Variants in RHOBTB1 observed in about 807,000 individuals in gnomAD.
RHOBTB1 encodes rho-related BTB domain-containing protein 1.
A neutral mutation model predicts 71.6 loss-of-function variants in RHOBTB1; 40 were observed. The ratio of observed to expected loss-of-function variants is 0.56; its 90% CI spans 0.43 to 0.73. RHOBTB1 has a LOEUF of 0.73. Ranked by LOEUF, RHOBTB1 falls within the 30% of genes least tolerant of loss-of-function variation. The pLI, the probability that RHOBTB1 is intolerant of heterozygous loss-of-function variation, is 0.00. For missense variants in RHOBTB1, 797 were observed against 894.0 expected (o/e 0.89, Z 1.38); for synonymous variants, 319 against 334.9 (o/e 0.95, Z 0.52).
At position 60,872,277 on chromosome 10, in the gene RHOBTB1, T is replaced by C; in HGVS notation, c.1829A>G (p.His610Arg). ...GTGCAAACACCAGGCGGCCAACTGGTGGGCATTGTGAAACTGCAGAAAAGT... is the reference window on the plus strand; with the variant it reads ...GTGCAAACACCAGGCGGCCAACTGGCGGGCATTGTGAAACTGCAGAAAAGT... ...YLELAQFHNA[H>R]QLAAWCLHHI... The change falls in exon 10 of 11, where the codon CAC becomes CGC. Residue 610 changes from histidine (H) to arginine (R), a missense_variant. Physicochemically the swap from His to Arg is conservative, Grantham distance 29. Coordinates refer to ENST00000337910, the MANE Select transcript of RHOBTB1 (RefSeq NM_014836.5). 1.2e-6 allele frequency: 2 copies of C among 1,613,942 alleles called. No homozygotes were observed. The highest frequency in any genetic ancestry group is 1.7e-6 in the Non-Finnish European group (2 of 1,179,820).
chr10:60,952,045 G>T (rs1391054289), intron 2 of RHOBTB1, among the ~76,000 whole-genome samples: 1 of 151,858 alleles, frequency 6.6e-6, no homozygotes, highest in Middle Eastern at 3.2e-3. Flanking sequence ...ACAACAGAGC[G>T]AGACTCTGTC....
intron 5 of RHOBTB1, among the ~76,000 whole-genome samples, chr10:60,892,192 T>C (rs899537691): frequency 3.3e-5 from 5 of 152,246 alleles, no homozygotes; most frequent in African/African-American, 7.2e-5. Context: ...ACATTTTATA[T>C]ATAGTGAAAC....
chr10:60,964,484 C>T (rs2085892288), intron 2 of RHOBTB1, among the ~76,000 whole-genome samples: 1 of 152,118 alleles, frequency 6.6e-6, no homozygotes, highest in African/African-American at 2.4e-5. Context: ...GCTGTATAAC[C>T]CTTAAAAACT....
intron 1 of RHOBTB1, among the ~76,000 whole-genome samples, chr10:60,996,270 C>A (rs2087045404): frequency 1.3e-5 from 2 of 152,150 alleles, no homozygotes; most frequent in Non-Finnish European, 2.9e-5. Context: ...TTAAGACTGT[C>A]CACAATCCAG....
At chr10:60,952,431 C>T (rs1002571103) in intron 2 of RHOBTB1, among the ~76,000 whole-genome samples, 12 of 152,140 alleles carry the variant, frequency 7.9e-5, no homozygotes, top group African/African-American at 2.7e-4. Flanking sequence ...GGGCATGAAG[C>T]CAAATGCTTT....
chr10:60,889,867 T>C (rs191227282), intron 5 of RHOBTB1, among the ~76,000 whole-genome samples: 71 of 152,358 alleles, frequency 4.7e-4, no homozygotes, highest in African/African-American at 1.7e-3. Context: ...TTGTCGACAG[T>C]AAGTGCCTGA....
At chr10:60,943,100 G>GC (rs1219781255) in intron 1 of RHOBTB1, among the ~76,000 whole-genome samples, 3 of 151,976 alleles carry the variant, frequency 2.0e-5, no homozygotes, top group African/African-American at 7.3e-5. Context: ...ATGCATTTTT[G>GC]CCCCCAGCAA....
At chr10:60,986,384 T>G (rs1469590217) in intron 1 of RHOBTB1, among the ~76,000 whole-genome samples, 1 of 130,092 alleles carries the variant, frequency 7.7e-6, no homozygotes, top group Non-Finnish European at 1.6e-5. Context: ...TTCCAAGAAA[T>G]TAATGAAATA....
At chr10:60,863,628 G>A in the RHOBTB1 span, among the ~76,000 whole-genome samples, 7 of 152,012 alleles carry the variant, frequency 4.6e-5, no homozygotes, top group East Asian at 9.7e-4. Context: ...TGCCTCCCAG[G>A]TTCAAGTGAT....
At chr10:60,862,810 CTTTT>C in the RHOBTB1 span, among the ~76,000 whole-genome samples, 1 of 136,808 alleles carries the variant, frequency 7.3e-6, no homozygotes, top group South Asian at 2.3e-4. Flanking sequence ...CTTTTCCTTT[CTTTT>C]CTCTCTTTCA....
intron 4 of RHOBTB1, among the ~76,000 whole-genome samples, chr10:60,894,834 C>T (rs1164754976): frequency 6.6e-6 from 1 of 152,202 alleles, no homozygotes; most frequent in African/African-American, 2.4e-5. Flanking sequence ...TATTAAGACA[C>T]ATGGCTCTAA....
At position 60,872,165 on chromosome 10, in the gene RHOBTB1, G is replaced by A; in HGVS notation, c.1921+20C>T. The A allele has an allele frequency of 1.3e-6, 2 of 1,530,210 alleles. No individual in the cohort carries two copies. Among genetic ancestry groups the A allele is most frequent in the Non-Finnish European group, 1.8e-6 (2 of 1,103,456 alleles). 94.8% of individuals were successfully genotyped at this position (1,530,210 alleles called of 1,614,324 possible). On this transcript the variant is annotated intron_variant, in intron 10 of 10. Coordinates refer to ENST00000337910, the MANE Select transcript of RHOBTB1 (RefSeq NM_014836.5). ...AGAGGTGAGGAGAGCTGGATGAATGGGGGCCTCACACAGTCTCACCTGCAG... is the reference window on the plus strand; with the variant it reads ...AGAGGTGAGGAGAGCTGGATGAATGAGGGCCTCACACAGTCTCACCTGCAG...
rs906463616 is a variant in RHOBTB1, at chr10:60,875,059, G to C, written c.1727-17C>G. ...CATGCTGTTCTGGGGAAGAGAGAGG[G>C]GGCAGGAGAACATTAAACCACGCCC... On this transcript the variant is annotated splice_polypyrimidine_tract_variant and intron_variant, in intron 8 of 10. Coordinates refer to ENST00000337910, the MANE Select transcript of RHOBTB1 (RefSeq NM_014836.5). 1 of 1,608,132 alleles carries C rather than the reference G, an allele frequency of 6.2e-7. No homozygotes were observed. The highest frequency in any genetic ancestry group is 1.7e-5 in the Admixed American group (1 of 60,022).
chr10:60,886,140 C>T lies in RHOBTB1; in HGVS notation c.1547G>A (p.Gly516Glu), dbSNP rs1351881910. The T allele has an allele frequency of 2.5e-6, 4 of 1,613,884 alleles. No individual in the cohort carries two copies. The highest frequency in any genetic ancestry group is 1.1e-5 in the South Asian group (1 of 91,080). The change falls in exon 7 of 11, where the codon GGG becomes GAG. Residue 516 changes from glycine to glutamate, a missense_variant. Coordinates refer to ENST00000337910, the MANE Select transcript of RHOBTB1 (RefSeq NM_014836.5). ...SCEWMAAMFG[G>E]SFVESANSEV... is the part of the protein sequence containing the mutation. ...ACTGTTGGCACTTTCCACAAATGACCCCCCGAACATGGCTGCCATCCACTC... is the reference window on the plus strand; with the variant it reads ...ACTGTTGGCACTTTCCACAAATGACTCCCCGAACATGGCTGCCATCCACTC...
chr10:60,903,296 A>G (rs1589246669), intron 4 of RHOBTB1, among the ~76,000 whole-genome samples: 2 of 152,192 alleles, frequency 1.3e-5, no homozygotes, highest in Non-Finnish European at 2.9e-5. Flanking sequence ...TGTCTGGACC[A>G]AGACAGGAGG....
At chr10:60,968,351 A>T (rs1271768951) in intron 2 of RHOBTB1, among the ~76,000 whole-genome samples, 2 of 152,200 alleles carry the variant, frequency 1.3e-5, no homozygotes, top group African/African-American at 2.4e-5. Context: ...TGTGTAAATG[A>T]ATTTTGTTTC....
At chr10:60,944,384 C>T (rs368599418), upstream of RHOBTB1, 2 of 152,310 alleles carry the variant, frequency 1.3e-5, no homozygotes, top group East Asian at 1.9e-4. Flanking sequence ...ATTCATGAAA[C>T]CGGGGCCTGG....
intron 2 of RHOBTB1, among the ~76,000 whole-genome samples, chr10:60,939,819 T>C (rs993523630): frequency 2.6e-5 from 4 of 152,216 alleles, no homozygotes; most frequent in Non-Finnish European, 4.4e-5. Context: ...AGGTAAGTCA[T>C]GCATACTAAC....
downstream of RHOBTB1, among the ~76,000 whole-genome samples, chr10:60,864,557 G>A (rs994211509): frequency 6.6e-6 from 1 of 152,086 alleles, no homozygotes; most frequent in Non-Finnish European, 1.5e-5. Flanking sequence ...AAGAGCAAAA[G>A]CAACCAGCGG....
Sources: gnomAD v4.1 joint callset for allele counts (sites outside exome capture counted in the v4.1 genomes callset) on GRCh38, gnomAD v4.1.1 for gene constraint, MANE v1.5 for transcripts, NCBI Gene and HGNC (gene_info 2026-07-23, HGNC 2026-07-21) for gene names.